Variants in CDS2 observed in about 807,000 individuals in gnomAD.
The protein encoded by CDS2 is phosphatidate cytidylyltransferase 2.
Under a neutral mutation model 59.0 loss-of-function variants are expected in CDS2, and 47 were observed. The observed-to-expected ratio is 0.80, with a 90% CI of 0.63 to 1.02. The LOEUF is 1.02. CDS2 is among the 50% of genes least tolerant of loss of function. The pLI is 0.00. For missense variants in CDS2, 356 were observed against 558.9 expected (o/e 0.64, Z 3.66); for synonymous variants, 207 against 206.4 (o/e 1.00, Z -0.02).
chr20:5,186,762 G>A lies in CDS2; in HGVS notation c.904G>A (p.Val302Met), dbSNP rs1847113140. The part of the protein sequence containing the change: ...EYNNDTNSFT[V>M]DCEPSDLFRL... ...CAACAATGACACCAACAGCTTCACTGTGGACTGTGAGCCCTCGGACCTGTT... is the reference window on the plus strand; with the variant it reads ...CAACAATGACACCAACAGCTTCACTATGGACTGTGAGCCCTCGGACCTGTT... The change falls in exon 10 of 13, where the codon GTG becomes ATG. Residue 302 changes from valine (V) to methionine (M), a missense_variant. Transcript: ENST00000460006. The A allele has an allele frequency of 1.9e-6, 3 of 1,614,046 alleles. No individual in the cohort carries two copies. The highest frequency in any genetic ancestry group is 1.7e-5 in the Admixed American group (1 of 59,998).
In CDS2 at chr20:5,186,668, C is replaced by T. The variant is rs1440105835; in HGVS notation, c.829-19C>T. The stretch of plus-strand genomic sequence containing the variant: ...TTGGAACTTACTTCCTTGCCGGTCT[C>T]TCTGTTATTCCTCCTCAGCTGTCCT... On this transcript the variant is annotated intron_variant, in intron 9 of 12. Coordinates refer to ENST00000460006, the MANE Select transcript of CDS2 (RefSeq NM_003818.4). 1.2e-6 allele frequency: 2 copies of T among 1,612,874 alleles called. No homozygotes were observed. Among genetic ancestry groups the T allele is most frequent in the African/African-American group, 1.3e-5 (1 of 74,884 alleles).
At position 5,196,910 on chromosome 20, in the gene CDS2, G is replaced by A. The variant is rs912591639; in HGVS notation, c.*6676G>A. On this transcript the variant is annotated 3_prime_UTR_variant, in exon 13 of 13. Coordinates refer to ENST00000460006, the MANE Select transcript of CDS2 (RefSeq NM_003818.4). ...TCAGGGATTAGGAGACAGCGGTTTG[G>A]TTTATTGTTATCCAGCTGGAGGACT... The A allele has an allele frequency of 1.3e-5, 2 of 152,518 alleles. No homozygotes were observed. Among genetic ancestry groups the A allele is most frequent in the Non-Finnish European group, 2.9e-5 (2 of 68,116 alleles). 9.4% of individuals were successfully genotyped at this position (152,518 alleles called of 1,614,324 possible).
intron 1 of CDS2, among the ~76,000 whole-genome samples, chr20:5,147,047 G>C (rs900829673): frequency 2.6e-5 from 4 of 152,206 alleles, no homozygotes; most frequent in Non-Finnish European, 4.4e-5. Context: ...TCATTGGCCA[G>C]AACTAATTTG....
Position 5,127,047 on chromosome 20 carries a change from C to CGGCTTCGCTGCCTGCTCCGGT in CDS2, c.-35_-34insCTGCTCCGGTGGCTTCGCTGC, listed in dbSNP as rs779207252. 2.2e-5 allele frequency: 33 copies of CGGCTTCGCTGCCTGCTCCGGT among 1,476,800 alleles called. No homozygotes were observed. In the South Asian group the frequency reaches 4.0e-4, roughly 18 times the overall value. The allele number at this position is 1,476,800 out of a possible 1,614,324, so 91.5% of individuals were successfully genotyped here. A position where few individuals can be genotyped will look rare whatever the true frequency, so the allele number is the denominator to read the frequency against. ...GCCCGCGCCGAGCTGCCTGCTCCGG[C>CGGCTTCGCTGCCTGCTCCGGT]GGCTTCGCTGCTAGCTCGCGGCGAC... On this transcript the variant is annotated 5_prime_UTR_variant, in exon 1 of 13. Coordinates refer to ENST00000460006, the MANE Select transcript of CDS2 (RefSeq NM_003818.4).
intron 10 of CDS2, 65 bp from the exon 11 acceptor site, chr20:5,189,002 G>C: frequency 6.2e-7 from 1 of 1,600,528 alleles, no homozygotes; most frequent in South Asian, 1.1e-5. Context: ...AACATGAGTT[G>C]ACAACTCAAA....
intron 1 of CDS2, 59 bp from the exon 2 acceptor site, chr20:5,173,464 T>G: frequency 6.3e-7 from 1 of 1,596,998 alleles, no homozygotes; most frequent in Non-Finnish European, 8.6e-7. Context: ...AGGCATAGAC[T>G]TCTCAATGGT....
At position 5,132,487 on chromosome 20, in the gene CDS2, A is replaced by G. The variant is rs1399929135; in HGVS notation, c.57+5338A>G. On this transcript the variant is annotated intron_variant, in intron 1 of 12. Coordinates refer to ENST00000460006, the MANE Select transcript of CDS2 (RefSeq NM_003818.4). Reference sequence around the variant, plus strand: ...GGACCACTGAACACTGTTGTATGCAATTACCTTCTTTTATAATTAAAAATG... The same window carrying G: ...GGACCACTGAACACTGTTGTATGCAGTTACCTTCTTTTATAATTAAAAATG... 2.0e-5 allele frequency among the ~76,000 whole-genome samples: 3 copies of G among 152,214 alleles called. No individual in the cohort carries two copies. In the East Asian group the frequency reaches 5.8e-4, roughly 29 times the overall value.
At chr20:5,177,445 C>G (rs1474120052) in intron 4 of CDS2, among the ~76,000 whole-genome samples, 1 of 152,110 alleles carries the variant, frequency 6.6e-6, no homozygotes, top group African/African-American at 2.4e-5. Flanking sequence ...AGTTGGCTTT[C>G]TCCGTTTCCT....
intron 1 of CDS2, among the ~76,000 whole-genome samples, chr20:5,173,158 C>G (rs959413468): frequency 1.3e-5 from 2 of 152,226 alleles, no homozygotes; most frequent in Non-Finnish European, 1.5e-5. Context: ...TGGTCAGTGC[C>G]ATTGGCTGCC....
intron 1 of CDS2, among the ~76,000 whole-genome samples, chr20:5,163,969 TTA>T (rs2090895358): frequency 6.6e-6 from 1 of 152,018 alleles, no homozygotes; most frequent in Non-Finnish European, 1.5e-5. Flanking sequence ...TTTTGTGTTT[TTA>T]GTAGAGACGG....
At chr20:5,174,638 T>C (rs2090981177) in intron 2 of CDS2, among the ~76,000 whole-genome samples, 1 of 150,912 alleles carries the variant, frequency 6.6e-6, no homozygotes, top group African/African-American at 2.4e-5. Context: ...GGCAAGAGAA[T>C]GGCATGAACC....
chr20:5,173,802 C>T lies in CDS2; in HGVS notation c.194+143C>T, dbSNP rs1045909993. ...CCTCCCATGCCACTGCTCCAGGCTC[C>T]ATTGAGTGTAATCTAGTGCTTAGCA... is the stretch of plus-strand genomic sequence containing the variant. On this transcript the variant is annotated intron_variant, in intron 2 of 12. Transcript: ENST00000460006. 6 of 968,996 alleles carry T rather than the reference C, an allele frequency of 6.2e-6. No homozygotes were observed. In the African/African-American group the frequency reaches 8.1e-5, roughly 13 times the overall value. The allele number at this position is 968,996 out of a possible 1,614,324, so 60.0% of individuals were successfully genotyped here. A position where few individuals can be genotyped will look rare whatever the true frequency, so the allele number is the denominator to read the frequency against.
At chr20:5,130,370 G>A (rs1423870307) in intron 1 of CDS2, among the ~76,000 whole-genome samples, 1 of 152,240 alleles carries the variant, frequency 6.6e-6, no homozygotes, top group African/African-American at 2.4e-5. Flanking sequence ...TCTTGTGTTA[G>A]AACCCAAGGA....
At chr20:5,189,595 C>T (rs548481436) in intron 11 of CDS2, 140 bp from the exon 12 acceptor site, 23 of 668,914 alleles carry the variant, frequency 3.4e-5, no homozygotes, top group Middle Eastern at 4.2e-4. Flanking sequence ...AATATAGCCT[C>T]ACCATTAGAT....
At chr20:5,167,533 GATATATGTATATATATGT>G (rs1267760522) in intron 1 of CDS2, among the ~76,000 whole-genome samples, 1 of 152,114 alleles carries the variant, frequency 6.6e-6, no homozygotes, top group East Asian at 1.9e-4. Flanking sequence ...ACACTGGCCA[GATATATGTATATATATGT>G]ATATATGTAT....
rs1363388961 is a variant in CDS2, at chr20:5,192,878, T to G, written c.*2644T>G. The G allele has an allele frequency of 3.9e-5, 6 of 152,212 alleles. No individual in the cohort carries two copies. The highest frequency in any genetic ancestry group is 8.8e-5 in the Non-Finnish European group (6 of 68,048). The allele number at this position is 152,212 out of a possible 1,614,324, so 9.4% of individuals were successfully genotyped here. A position where few individuals can be genotyped will look rare whatever the true frequency, so the allele number is the denominator to read the frequency against. ...GGCAGGGAGCTTCCCCAGGATAGTG[T>G]GGTGGAGTCAGGACTCACTCCATCC... On this transcript the variant is annotated 3_prime_UTR_variant, in exon 13 of 13. Coordinates refer to ENST00000460006, the MANE Select transcript of CDS2 (RefSeq NM_003818.4).
chr20:5,151,362 C>A (rs1197761503), intron 1 of CDS2, among the ~76,000 whole-genome samples: 3 of 152,150 alleles, frequency 2.0e-5, no homozygotes, highest in African/African-American at 4.8e-5. Context: ...ACATAAATTA[C>A]CATTCCTGTG....
chr20:5,178,313 GT>G (rs1476480224), intron 4 of CDS2, among the ~76,000 whole-genome samples: 1 of 152,222 alleles, frequency 6.6e-6, no homozygotes, highest in African/African-American at 2.4e-5. Flanking sequence ...GTCATGCAAA[GT>G]TTTATGAATA....
At chr20:5,188,782 G>C (rs562802299) in intron 10 of CDS2, among the ~76,000 whole-genome samples, 1 of 152,184 alleles carries the variant, frequency 6.6e-6, no homozygotes, top group Non-Finnish European at 1.5e-5. Context: ...GTCAAAGGTG[G>C]AAGCAGACAC....
Sources: gnomAD v4.1 joint callset for allele counts (sites outside exome capture counted in the v4.1 genomes callset) on GRCh38, gnomAD v4.1.1 for gene constraint, MANE v1.5 for transcripts, NCBI Gene and HGNC (gene_info 2026-07-23, HGNC 2026-07-21) for gene names.